Variants in PTPRQ observed in about 807,000 individuals in gnomAD.
PTPRQ encodes protein tyrosine phosphatase receptor type Q.
A neutral mutation model predicts 246.0 loss-of-function variants in PTPRQ; 199 were observed. That is an observed-to-expected ratio of 0.81 (90% CI 0.72 to 0.91). The LOEUF is 0.91. Ranked by LOEUF, PTPRQ falls within the 40% of genes least tolerant of loss-of-function variation. The probability of loss-of-function intolerance (pLI) is 0.00; values close to 1 mark genes in which losing one functional copy is unlikely to be tolerated. For missense variants in PTPRQ, 2,624 were observed against 2,528.4 expected (o/e 1.04, Z -0.81); for synonymous variants, 869 against 853.2 (o/e 1.02, Z -0.32).
chr12:80,616,495 A>C (rs1898767960), intron 30 of PTPRQ, among the ~76,000 whole-genome samples: 1 of 150,954 alleles, frequency 6.6e-6, no homozygotes, highest in South Asian at 2.1e-4. Flanking sequence ...TATTTCTTTA[A>C]TATATTTTAT....
chr12:80,467,310 C>G (rs911705363), intron 6 of PTPRQ, among the ~76,000 whole-genome samples: 2 of 152,046 alleles, frequency 1.3e-5, no homozygotes, highest in Admixed American at 6.6e-5. Flanking sequence ...CAATGAGATA[C>G]CATCTCACAC....
chr12:80,582,529 C>T (rs1282022616), intron 25 of PTPRQ, among the ~76,000 whole-genome samples: 1 of 152,122 alleles, frequency 6.6e-6, no homozygotes, highest in African/African-American at 2.4e-5. Context: ...ATGCAGAGAG[C>T]TCTTTTGCCC....
chr12:80,478,640 A>C (rs904782586), intron 8 of PTPRQ, among the ~76,000 whole-genome samples: 2 of 152,182 alleles, frequency 1.3e-5, no homozygotes, highest in Admixed American at 6.5e-5. Context: ...AAAATTTAGA[A>C]GAATGTATAA....
intron 39 of PTPRQ, among the ~76,000 whole-genome samples, chr12:80,668,304 C>A (rs1436998125): frequency 6.6e-6 from 1 of 151,772 alleles, no homozygotes; most frequent in African/African-American, 2.4e-5. Context: ...TAAATATACA[C>A]AAGGATGTCA....
intron 26 of PTPRQ, among the ~76,000 whole-genome samples, chr12:80,594,228 T>C (rs1313726465): frequency 6.6e-6 from 1 of 152,184 alleles, no homozygotes; most frequent in East Asian, 1.9e-4. Context: ...ATAAGTGTTA[T>C]AGTAACAGAG....
rs1023087845 is a variant in PTPRQ, at chr12:80,566,339, A to G, written c.4285+16605A>G. ...CTAAAAATACAAAAGTTAGCCGGGC[A>G]TGGTGGCAGGTGCCTGTAGTCCCAG... On this transcript the variant is annotated intron_variant, in intron 25 of 44. Coordinates refer to ENST00000644991, the MANE Select transcript of PTPRQ (RefSeq NM_001145026.2). Among the ~76,000 whole-genome samples the G allele has an allele frequency of 2.6e-5, 4 of 151,992 alleles. No homozygotes were observed. The East Asian group carries it at 5.9e-4, about 22-fold the overall frequency.
At chr12:80,578,370 GA>G (rs920570892) in intron 25 of PTPRQ, among the ~76,000 whole-genome samples, 2 of 151,380 alleles carry the variant, frequency 1.3e-5, no homozygotes, top group Non-Finnish European at 2.9e-5. Flanking sequence ...ATCAGAATGG[GA>G]AAAAATTTTT....
At position 80,632,427 on chromosome 12, in the gene PTPRQ, T is replaced by C; in HGVS notation, c.5786+136T>C. The C allele has an allele frequency of 2.4e-6, 3 of 1,272,482 alleles. No homozygotes were observed. The South Asian group carries it at 4.3e-5, about 18-fold the overall frequency. The allele number at this position is 1,272,482 out of a possible 1,614,324, so 78.8% of individuals were successfully genotyped here. A position where few individuals can be genotyped will look rare whatever the true frequency, so the allele number is the denominator to read the frequency against. ...TTTTTAATAGACAGATAAAAATGTA[T>C]TTATCATGTACAATATGATACTTTA... On this transcript the variant is annotated intron_variant, in intron 34 of 44. Coordinates refer to ENST00000644991, the MANE Select transcript of PTPRQ (RefSeq NM_001145026.2).
At chr12:80,449,535 C>T (rs898391868) in intron 3 of PTPRQ, among the ~76,000 whole-genome samples, 1 of 152,034 alleles carries the variant, frequency 6.6e-6, no homozygotes, top group Non-Finnish European at 1.5e-5. Flanking sequence ...TTTAATCCAT[C>T]TTGAATTGAT....
rs530602479 is a variant in PTPRQ, at chr12:80,619,621, A to G, written c.5389+79A>G. 1.5e-5 allele frequency: 18 copies of G among 1,232,872 alleles called. No homozygotes were observed. The East Asian group carries it at 4.4e-4, about 30-fold the overall frequency. 76.4% of individuals were successfully genotyped at this position (1,232,872 alleles called of 1,614,324 possible). ...TGCTAAAAAGAATTTAGTTCAAATT[A>G]AGATTGACTCCCAGTTATCACACAC... On this transcript the variant is annotated intron_variant, in intron 31 of 44. Transcript: ENST00000644991.
chr12:80,528,940 GCCAAA>G (rs1398588549), intron 17 of PTPRQ, among the ~76,000 whole-genome samples: 4 of 152,078 alleles, frequency 2.6e-5, no homozygotes, highest in African/African-American at 9.7e-5. Flanking sequence ...GCAAAACAAA[GCCAAA>G]CCAAACCAAA....
intron 8 of PTPRQ, among the ~76,000 whole-genome samples, chr12:80,475,831 A>G (rs931683612): frequency 6.6e-6 from 1 of 152,046 alleles, no homozygotes; most frequent in African/African-American, 2.4e-5. Context: ...AGAAATATAT[A>G]TGCTAATTAA....
Position 80,634,958 on chromosome 12 carries a change from C to A in PTPRQ, c.5800C>A (p.Gln1934Lys). 6.4e-7 allele frequency: 1 copy of A among 1,550,414 alleles called. No individual in the cohort carries two copies. The highest frequency in any genetic ancestry group is 8.7e-7 in the Non-Finnish European group (1 of 1,146,344). ...IFAFARIRQK[Q>K]KEGGTYSPQD... The stretch of plus-strand genomic sequence containing the variant: ...CGCTTGTTTTAGAATTCGACAGAAG[C>A]AGAAAGAAGGTGGCACATACTCTCC... Residue 1934 changes from glutamine (Q) to lysine (K), a missense_variant, in exon 35 of 45, where the codon CAG becomes AAG. Coordinates refer to ENST00000644991, the MANE Select transcript of PTPRQ (RefSeq NM_001145026.2).
chr12:80,639,129 T>G (rs1198355558), intron 35 of PTPRQ, among the ~76,000 whole-genome samples: 2 of 152,204 alleles, frequency 1.3e-5, no homozygotes, highest in Non-Finnish European at 2.9e-5. Context: ...TGACTCACCT[T>G]GTGGATTGCC....
intron 34 of PTPRQ, among the ~76,000 whole-genome samples, chr12:80,634,477 A>AT (rs1354160547): frequency 6.6e-6 from 1 of 152,184 alleles, no homozygotes; most frequent in Non-Finnish European, 1.5e-5. Flanking sequence ...TTTGAAAATA[A>AT]TTTTTAAGTA....
chr12:80,531,029 A>AT lies in PTPRQ; in HGVS notation c.2679-2986_2679-2985insT, dbSNP rs539538881. ...ACATAACAAGACCTTGTCGCTAAAA[A>AT]ATATATATATTTAAATTTAAAGAAG... On this transcript the variant is annotated intron_variant, in intron 17 of 44. Coordinates refer to ENST00000644991, the MANE Select transcript of PTPRQ (RefSeq NM_001145026.2). Among the ~76,000 whole-genome samples, 35 of 152,100 alleles carry AT rather than the reference A, an allele frequency of 2.3e-4. No homozygotes were observed. In the East Asian group the frequency reaches 6.0e-3, roughly 26 times the overall value.
At chr12:80,569,853 T>C (rs1293784766) in intron 25 of PTPRQ, among the ~76,000 whole-genome samples, 15 of 151,880 alleles carry the variant, frequency 9.9e-5, no homozygotes, top group Admixed American at 9.2e-4. Context: ...TGTTCCTGTG[T>C]TAGTTTGCTG....
chr12:80,461,009 C>T (rs567413954), intron 6 of PTPRQ, 107 bp downstream of exon 6: 35 of 392,808 alleles, frequency 8.9e-5, no homozygotes, highest in African/African-American at 6.0e-4. Context: ...TAACTTTTTT[C>T]CCCTAATAAT....
intron 41 of PTPRQ, 139 bp from the exon 42 acceptor site, chr12:80,670,203 AGG>A: frequency 8.2e-7 from 1 of 1,224,438 alleles, no homozygotes; most frequent in Admixed American, 2.9e-5. Flanking sequence ...TCTCTCTTAT[AGG>A]AAATAATGAA....
Sources: gnomAD v4.1 joint callset for allele counts (sites outside exome capture counted in the v4.1 genomes callset) on GRCh38, gnomAD v4.1.1 for gene constraint, MANE v1.5 for transcripts, NCBI Gene and HGNC (gene_info 2026-07-23, HGNC 2026-07-21) for gene names.